The following KRT79 variants were observed in gnomAD, a reference collection of about 807,000 sequenced individuals.
KRT79 encodes the protein keratin 79, also known as keratin, type II cytoskeletal 79.
Under a neutral mutation model 49.0 loss-of-function variants are expected in KRT79, and 51 were observed. The observed-to-expected ratio is 1.04, with a 90% CI of 0.83 to 1.31. KRT79 has a LOEUF of 1.31. Among genes scored for constraint, KRT79 ranks in the 40% most tolerant of loss-of-function variants. The pLI, the probability that KRT79 is intolerant of heterozygous loss-of-function variation, is 0.00. For synonymous variants in KRT79, 312 were observed against 286.6 expected (o/e 1.09, Z -0.90); for missense variants, 728 against 688.0 (o/e 1.06, Z -0.65).
chr12:52,833,100 AGGCAAG>A (rs1330612589), intron 1 of KRT79, among the ~76,000 whole-genome samples: 1 of 152,196 alleles, frequency 6.6e-6, no homozygotes, highest in African/African-American at 2.4e-5. Flanking sequence ...ATCCATCTGG[AGGCAAG>A]GGCAAGGTTC....
chr12:52,829,906 A>C, intron 4 of KRT79, 117 bp downstream of exon 4: 3 of 847,528 alleles, frequency 3.5e-6, no homozygotes, highest in Admixed American at 2.0e-5. Context: ...AAAAAGTGTT[A>C]AGGTTTCATC....
rs144968357 is a variant in KRT79, at chr12:52,823,792, C to T, written c.1146+95G>A. ...CAATGGCCTAGCATTCTATTGTGTCCGTCAGGAGAAGAGCAGGCCTAGCCC... is the reference window on the plus strand; with the variant it reads ...CAATGGCCTAGCATTCTATTGTGTCTGTCAGGAGAAGAGCAGGCCTAGCCC... On this transcript the variant is annotated intron_variant, in intron 6 of 8. Coordinates refer to ENST00000330553, the MANE Select transcript of KRT79 (RefSeq NM_175834.3). 8.0e-5 allele frequency: 110 copies of T among 1,380,168 alleles called. 1 individual carries two copies. In the East Asian group the frequency reaches 2.1e-3, roughly 26 times the overall value. The allele number at this position is 1,380,168 out of a possible 1,614,324, so 85.5% of individuals were successfully genotyped here. A position where few individuals can be genotyped will look rare whatever the true frequency, so the allele number is the denominator to read the frequency against.
rs1225807036 is a variant in KRT79, at chr12:52,834,023, A to G, written c.238T>C (p.Leu80=). The change falls in exon 1 of 9, where the codon TTG becomes CTG. Residue 80 remains leucine, a synonymous_variant. Coordinates refer to ENST00000330553, the MANE Select transcript of KRT79 (RefSeq NM_175834.3). ...AAGCCCCCCAGAGCCCGCCCCAACA[A>G]GGCCCCTCCGGCCACACTGACAGAG... ...SISVSVAGGA[L]LGRALGGFGF... 6.2e-7 allele frequency: 1 copy of G among 1,612,874 alleles called. No individual in the cohort carries two copies. Among genetic ancestry groups the G allele is most frequent in the Admixed American group, 1.7e-5 (1 of 59,916 alleles).
intron 6 of KRT79, 45 bp from the exon 7 acceptor site, chr12:52,823,281 C>T: frequency 1.3e-6 from 2 of 1,491,210 alleles, no homozygotes; most frequent in South Asian, 1.2e-5. Flanking sequence ...CGGGGTCATC[C>T]CATTCATCTC....
At position 52,834,262 on chromosome 12, in the gene KRT79, G is replaced by A. The variant is rs2120361435; in HGVS notation, c.-2C>T. On this transcript the variant is annotated 5_prime_UTR_variant, in exon 1 of 9. Transcript: ENST00000330553. ...TTGCCGAGAGACGGAGGACCTCATA[G>A]CTGCAGAGGGGCCGGAGGGCAGGAT... 3 of 1,610,238 alleles carry A rather than the reference G, an allele frequency of 1.9e-6. No homozygotes were observed. The highest frequency in any genetic ancestry group is 1.1e-5 in the South Asian group (1 of 90,992).
intron 6 of KRT79, 26 bp downstream of exon 6, chr12:52,823,861 C>A (rs200728408): frequency 3.7e-6 from 6 of 1,602,824 alleles, no homozygotes; most frequent in Non-Finnish European, 5.1e-6. Flanking sequence ...CTAGGCCAGA[C>A]CCCCAAGCCC....
At chr12:52,822,728 A>G (rs934058645) in intron 7 of KRT79, among the ~76,000 whole-genome samples, 1 of 151,908 alleles carries the variant, frequency 6.6e-6, no homozygotes, top group African/African-American at 2.4e-5. Context: ...AAGGACAGAG[A>G]TGGTGGATTT....
In KRT79 at chr12:52,823,023, C is replaced by T. The variant is rs1940118727; in HGVS notation, c.1360G>A (p.Glu454Lys). ...GGCAGGAGGGGCCACCACCTGCTCT[C>T]CTCGCTCTCCAGAAGCTTGCGGTAG... ...ATYRKLLESE[E>K]SRMSGECPSA... The change falls in exon 7 of 9, where the codon GAG (glutamate) becomes AAG (lysine). Residue 454 changes from glutamate (E) to lysine (K), a missense_variant. Transcript: ENST00000330553. 1 of 1,614,026 alleles carries T rather than the reference C, an allele frequency of 6.2e-7. No homozygotes were observed. The highest frequency in any genetic ancestry group is 1.1e-5 in the South Asian group (1 of 91,072).
At position 52,834,280 on chromosome 12, in the gene KRT79, G is replaced by A; in HGVS notation, c.-20C>T. ...CCTCATAGCTGCAGAGGGGCCGGAGGGCAGGATGAGAGGGCAGGAAGGGAG... is the reference window on the plus strand; with the variant it reads ...CCTCATAGCTGCAGAGGGGCCGGAGAGCAGGATGAGAGGGCAGGAAGGGAG... On this transcript the variant is annotated 5_prime_UTR_variant, in exon 1 of 9. Coordinates refer to ENST00000330553, the MANE Select transcript of KRT79 (RefSeq NM_175834.3). The A allele has an allele frequency of 6.3e-7, 1 of 1,594,726 alleles. No individual in the cohort carries two copies. The highest frequency in any genetic ancestry group is 1.1e-5 in the South Asian group (1 of 90,654).
rs755410168 is a variant in KRT79, at chr12:52,831,386, G to A, written c.698+20C>T. On this transcript the variant is annotated intron_variant, in intron 2 of 8. Transcript: ENST00000330553. ...CCCCTCCTCACTCCCACATGGCCCC[G>A]CCTGGCCTGCTCTCCTCACTTGTTC... 22 of 1,610,454 alleles carry A rather than the reference G, an allele frequency of 1.4e-5. No homozygotes were observed. The highest frequency in any genetic ancestry group is 2.7e-5 in the African/African-American group (2 of 74,794).
In KRT79 at chr12:52,833,869, A is replaced by G. The variant is rs1940292783; in HGVS notation, c.392T>C (p.Ile131Thr). ...QSLLTPLHVE[I>T]DPEIQRVRTQ... ...GCGCACTCGCTGGATCTCGGGGTCA[A>G]TCTCCACATGGAGGGGGGTCAGCAG... The change falls in exon 1 of 9, where the codon ATT (isoleucine) becomes ACT (threonine). Residue 131 changes from isoleucine (I) to threonine (T), a missense_variant. Physicochemically the swap from Ile to Thr is moderately conservative, Grantham distance 89. Transcript: ENST00000330553. The G allele has an allele frequency of 1.9e-6, 3 of 1,613,586 alleles. No homozygotes were observed. The highest frequency in any genetic ancestry group is 1.7e-6 in the Non-Finnish European group (2 of 1,179,868).
Position 52,821,982 on chromosome 12 carries a change from C to A in KRT79, c.1498G>T (p.Gly500Ter). The A allele has an allele frequency of 6.2e-7, 1 of 1,614,232 alleles. No individual in the cohort carries two copies. Among genetic ancestry groups the A allele is most frequent in the Non-Finnish European group, 8.5e-7 (1 of 1,180,046 alleles). Residue 500 changes from glycine (G) to a stop codon, truncating the protein, a stop_gained, in exon 9 of 9, where the codon GGA becomes TGA. Transcript: ENST00000330553. LOFTEE classifies it high-confidence loss of function. ...CTATAGCCCACATTTGTGCTGAATC[C>A]ACCCTTGGTGGCCCCCCCACTCCCA... The part of the protein sequence containing the change: ...LGGSGGATKG[G>*]FSTNVGYSTV...
chr12:52,826,090 G>C (rs1397926873), intron 4 of KRT79, among the ~76,000 whole-genome samples: 2 of 151,756 alleles, frequency 1.3e-5, no homozygotes, highest in African/African-American at 4.8e-5. Context: ...GACGCATCCT[G>C]CCCCTGCCCT....
chr12:52,822,985 G>C (rs768392879), intron 7 of KRT79, 31 bp downstream of exon 7: 1 of 1,604,684 alleles, frequency 6.2e-7, no homozygotes, highest in South Asian at 1.1e-5. Flanking sequence ...GCCCGACCCA[G>C]CTTTCTGGGT....
At chr12:52,826,086 T>A (rs1364473884) in intron 4 of KRT79, among the ~76,000 whole-genome samples, 1 of 151,892 alleles carries the variant, frequency 6.6e-6, no homozygotes, top group African/African-American at 2.4e-5. Flanking sequence ...TCTTGACGCA[T>A]CCTGCCCCTG....
At chr12:52,827,036 C>T (rs552318207) in intron 4 of KRT79, among the ~76,000 whole-genome samples, 3 of 152,292 alleles carry the variant, frequency 2.0e-5, no homozygotes, top group African/African-American at 7.2e-5. Context: ...CCCACACACT[C>T]GATGTGGGCA....
Position 52,824,310 on chromosome 12 carries a change from A to C in KRT79, c.908T>G (p.Met303Arg), listed in dbSNP as rs1342596921. The stretch of plus-strand genomic sequence containing the variant: ...CAGGTCCAGGTTGCGGTTGTTGTCC[A>C]TGGACAGCACCACATTGGTGTTAGA... ...HVSNTNVVLS[M>R]DNNRNLDLDS... is the part of the protein sequence containing the mutation. Residue 303 changes from methionine to arginine, a missense_variant, in exon 5 of 9, where the codon ATG becomes AGG. Transcript: ENST00000330553. The C allele has an allele frequency of 3.1e-6, 5 of 1,614,222 alleles. No homozygotes were observed. The highest frequency in any genetic ancestry group is 4.2e-6 in the Non-Finnish European group (5 of 1,180,048).
chr12:52,828,662 ACATGTCT>A (rs1940208355), intron 4 of KRT79, among the ~76,000 whole-genome samples: 1 of 152,248 alleles, frequency 6.6e-6, no homozygotes, highest in Admixed American at 6.5e-5. Flanking sequence ...GAGAGTAGAT[ACATGTCT>A]CATTTGAAAG....
intron 4 of KRT79, among the ~76,000 whole-genome samples, chr12:52,825,226 A>T (rs1283610149): frequency 2.0e-5 from 3 of 151,868 alleles, no homozygotes; most frequent in Non-Finnish European, 4.4e-5. Flanking sequence ...CTGACAAATC[A>T]CTCATTCACT....
Sources: allele counts gnomAD v4.1 joint callset (sites outside exome capture counted in the v4.1 genomes callset), GRCh38; gene constraint gnomAD v4.1.1; transcripts MANE v1.5; gene names NCBI Gene and HGNC (gene_info 2026-07-23, HGNC 2026-07-21).